The following EPHB1 variants were observed in gnomAD, a reference collection of about 807,000 sequenced individuals.
EPHB1 encodes the protein ephrin type-B receptor 1.
EPHB1 carries 30 observed loss-of-function variants against 94.4 expected under a neutral mutation model. The observed-to-expected ratio is 0.32, with a 90% confidence interval of 0.24 to 0.43. The LOEUF (loss-of-function observed/expected upper bound fraction) is 0.43, where lower values mean the gene tolerates loss of function less well. EPHB1 is among the 20% of genes least tolerant of loss of function. The pLI, the probability that EPHB1 is intolerant of heterozygous loss-of-function variation, is 1.00. For missense variants in EPHB1, 1,055 were observed against 1,308.3 expected, an observed-to-expected ratio of 0.81 and a Z score of 2.99; for synonymous variants, 522 against 489.1, an observed-to-expected ratio of 1.07 and a Z score of -0.89.
chr3:134,830,763 G>A (rs2036567460), intron 1 of EPHB1, among the ~76,000 whole-genome samples: 1 of 152,184 alleles, frequency 6.6e-6, no homozygotes, highest in Non-Finnish European at 1.5e-5. Flanking sequence ...CTGGCCTTGG[G>A]CCGCAGATGC....
At chr3:134,807,528 CGT>C (rs1560241796) in intron 1 of EPHB1, among the ~76,000 whole-genome samples, 5 of 108,156 alleles carry the variant, frequency 4.6e-5, no homozygotes, top group East Asian at 2.6e-4. Flanking sequence ...TGTGTGTGCA[CGT>C]GTGTGTGTGT....
chr3:135,057,936 A>C (rs1360380467), intron 3 of EPHB1, among the ~76,000 whole-genome samples: 2 of 152,106 alleles, frequency 1.3e-5, no homozygotes, highest in Non-Finnish European at 2.9e-5. Context: ...TTCTCTCTCA[A>C]CTGGAAAATC....
chr3:134,917,139 G>T (rs1278659665), intron 1 of EPHB1, among the ~76,000 whole-genome samples: 1 of 152,196 alleles, frequency 6.6e-6, no homozygotes, highest in Non-Finnish European at 1.5e-5. Context: ...GAGACAGAAA[G>T]TCCATCGTAG....
chr3:135,129,041 T>C (rs1940317026), intron 4 of EPHB1, among the ~76,000 whole-genome samples: 1 of 152,172 alleles, frequency 6.6e-6, no homozygotes, highest in South Asian at 2.1e-4. Flanking sequence ...TTCAGATTTA[T>C]GTACTCCTGC....
chr3:135,257,256 G>A (rs543238874), intron 15 of EPHB1, among the ~76,000 whole-genome samples: 29 of 152,322 alleles, frequency 1.9e-4, no homozygotes, highest in African/African-American at 4.1e-4. Context: ...TCCGTTGCTG[G>A]TGAGGAACTG....
intron 10 of EPHB1, among the ~76,000 whole-genome samples, chr3:135,186,753 T>G (rs547557738): frequency 2.4e-4 from 36 of 152,188 alleles, no homozygotes; most frequent in African/African-American, 8.7e-4. Flanking sequence ...GCTGAAGCAC[T>G]TTTTCTCTCT....
chr3:134,850,863 T>G (rs1407720017), intron 1 of EPHB1, among the ~76,000 whole-genome samples: 1 of 152,226 alleles, frequency 6.6e-6, no homozygotes, highest in Non-Finnish European at 1.5e-5. Context: ...CAGGGTCAGC[T>G]GGAGCAGATC....
chr3:134,917,178 A>G (rs956266944), intron 1 of EPHB1, among the ~76,000 whole-genome samples: 32 of 152,306 alleles, frequency 2.1e-4, no homozygotes, highest in Non-Finnish European at 3.8e-4. Flanking sequence ...GTTTCTTGTC[A>G]TGTTTCTCAG....
chr3:135,203,223 A>G (rs1196971091), intron 12 of EPHB1, among the ~76,000 whole-genome samples: 1 of 152,160 alleles, frequency 6.6e-6, no homozygotes, highest in African/African-American at 2.4e-5. Context: ...ACACATGTGA[A>G]CATCACACAC....
At chr3:135,020,821 T>G (rs1047564294) in intron 3 of EPHB1, among the ~76,000 whole-genome samples, 1 of 152,242 alleles carries the variant, frequency 6.6e-6, no homozygotes, top group Non-Finnish European at 1.5e-5. Flanking sequence ...ATAGTCCTGT[T>G]GTAAGTGGCT....
intron 2 of EPHB1, among the ~76,000 whole-genome samples, chr3:134,936,268 T>TG (rs1553868154): frequency 6.6e-6 from 1 of 151,710 alleles, no homozygotes; most frequent in Non-Finnish European, 1.5e-5. Context: ...GCAAGCTGTA[T>TG]GGGGGAGGTA....
At chr3:135,223,021 G>A (rs1330058957) in intron 12 of EPHB1, among the ~76,000 whole-genome samples, 1 of 152,198 alleles carries the variant, frequency 6.6e-6, no homozygotes, top group Non-Finnish European at 1.5e-5. Flanking sequence ...AGAAATGCCT[G>A]TATTAGGAAA....
intron 1 of EPHB1, among the ~76,000 whole-genome samples, chr3:134,820,885 A>T (rs906705019): frequency 1.3e-5 from 2 of 152,162 alleles, no homozygotes; most frequent in African/African-American, 4.8e-5. Flanking sequence ...CCAATAGGAT[A>T]TTTATTTATT....
chr3:134,909,007 A>G (rs1312853146), intron 1 of EPHB1, among the ~76,000 whole-genome samples: 10 of 151,474 alleles, frequency 6.6e-5, no homozygotes, highest in African/African-American at 2.2e-4. Context: ...TGTGCCCACC[A>G]AGAAGGTGAT....
chr3:135,053,348 G>C (rs1196215413), intron 3 of EPHB1, among the ~76,000 whole-genome samples: 1 of 151,950 alleles, frequency 6.6e-6, no homozygotes, highest in African/African-American at 2.4e-5. Context: ...AAAAAGGAAG[G>C]AGAAGAAAAC....
At chr3:135,054,545 G>A (rs1486253279) in intron 3 of EPHB1, among the ~76,000 whole-genome samples, 1 of 152,144 alleles carries the variant, frequency 6.6e-6, no homozygotes, top group East Asian at 1.9e-4. Flanking sequence ...CAACTGTCCA[G>A]AGCACAGAGC....
At chr3:135,029,364 G>A (rs1216662480) in intron 3 of EPHB1, among the ~76,000 whole-genome samples, 3 of 151,760 alleles carry the variant, frequency 2.0e-5, no homozygotes, top group Non-Finnish European at 2.9e-5. Context: ...GCTGGTACTG[G>A]TTGTTCCTTT....
At chr3:135,037,443 C>T (rs1161895161) in intron 3 of EPHB1, among the ~76,000 whole-genome samples, 2 of 152,180 alleles carry the variant, frequency 1.3e-5, no homozygotes, top group Admixed American at 6.5e-5. Flanking sequence ...ACTGGTTTTG[C>T]ATGAATTTGG....
At chr3:135,017,856 C>G (rs971389564) in intron 3 of EPHB1, among the ~76,000 whole-genome samples, 3 of 152,176 alleles carry the variant, frequency 2.0e-5, no homozygotes, top group Non-Finnish European at 4.4e-5. Flanking sequence ...AGGGCCTGAA[C>G]TGCTGTGGTT....
Sources: allele counts gnomAD v4.1 joint callset (sites outside exome capture counted in the v4.1 genomes callset), GRCh38; gene constraint gnomAD v4.1.1; transcripts MANE v1.5; gene names NCBI Gene and HGNC (gene_info 2026-07-23, HGNC 2026-07-21).